The following NKTR variants were observed in gnomAD, a reference collection of about 807,000 sequenced individuals.
NKTR encodes natural killer cell triggering receptor, also known as NK-tumor recognition protein.
A neutral mutation model predicts 156.3 loss-of-function variants in NKTR; 67 were observed. The observed-to-expected ratio is 0.43, with a 90% CI of 0.35 to 0.53. The LOEUF (loss-of-function observed/expected upper bound fraction) is 0.53, where lower values mean the gene tolerates loss of function less well. NKTR is among the 20% of genes least tolerant of loss of function. The pLI is 0.01. For missense variants in NKTR, 1,604 were observed against 1,730.9 expected, an observed-to-expected ratio of 0.93 and a Z score of 1.30; for synonymous variants, 640 against 596.6, an observed-to-expected ratio of 1.07 and a Z score of -1.06.
chr3:42,616,863 G>A (rs923369234), intron 2 of NKTR, among the ~76,000 whole-genome samples: 5 of 152,150 alleles, frequency 3.3e-5, no homozygotes, highest in Non-Finnish European at 7.3e-5. Context: ...GGGCTCAAGT[G>A]AACCTCCTAC....
At chr3:42,602,098 C>T (rs1413760713) in intron 2 of NKTR, 1 of 152,146 alleles carries the variant, frequency 6.6e-6, no homozygotes, top group African/African-American at 2.4e-5. Context: ...CAGCACAGCC[C>T]TGAGGTGAGG....
intron 2 of NKTR, among the ~76,000 whole-genome samples, chr3:42,603,592 G>A (rs368322695): frequency 6.6e-5 from 10 of 151,622 alleles, no homozygotes; most frequent in South Asian, 6.2e-4. Flanking sequence ...TGAGAACGCC[G>A]AATCATATAA....
intron 2 of NKTR, chr3:42,601,963 G>C (rs893228838): frequency 6.6e-6 from 1 of 152,188 alleles, no homozygotes; most frequent in African/African-American, 2.4e-5. Flanking sequence ...ACAGTGACTT[G>C]TAGTTGGGAT....
At chr3:42,607,867 A>G (rs967558289) in intron 2 of NKTR, among the ~76,000 whole-genome samples, 2 of 151,724 alleles carry the variant, frequency 1.3e-5, no homozygotes, top group Admixed American at 6.6e-5. Flanking sequence ...GATTCTGGAC[A>G]CTATCTACCT....
intron 2 of NKTR, among the ~76,000 whole-genome samples, chr3:42,614,313 A>G (rs991050278): frequency 6.6e-6 from 1 of 152,148 alleles, no homozygotes; most frequent in African/African-American, 2.4e-5. Flanking sequence ...AATTCATTCC[A>G]AGTCTGTCCT....
At chr3:42,616,891 C>G (rs1330076778) in intron 2 of NKTR, among the ~76,000 whole-genome samples, 2 of 152,178 alleles carry the variant, frequency 1.3e-5, no homozygotes, top group African/African-American at 4.8e-5. Context: ...TCCCCAATAA[C>G]TACAGGCATG....
rs781635002 is a variant in NKTR at position 42,637,362 on chromosome 3, C to A, written c.1658C>A (p.Ser553Tyr). 6.2e-7 allele frequency: 1 copy of A among 1,613,996 alleles called. No individual in the cohort carries two copies. Among genetic ancestry groups the A allele is most frequent in the African/African-American group, 1.3e-5 (1 of 74,930 alleles). ...TCTCGAAGTAGATCAAAGTCCAGAT[C>A]TAGTTCCAAGTCTGGGCACCGAAAG... ...SHSRSRSKSR[S>Y]SSKSGHRKRA... The change falls in exon 13 of 17, where the codon TCT becomes TAT. Residue 553 changes from serine to tyrosine, a missense_variant. Around this residue, in one of 6 missense-constraint regions of NKTR, gnomAD observed 1,255 missense variants for 1,243.7 expected, o/e 1.01. Transcript: ENST00000232978.
At chr3:42,643,021 G>T (rs183864279) in intron 14 of NKTR, among the ~76,000 whole-genome samples, 1 of 152,294 alleles carries the variant, frequency 6.6e-6, no homozygotes, top group East Asian at 1.9e-4. Context: ...TTTTGCATCT[G>T]AGGTATTTTC....
intron 10 of NKTR, 49 bp from the exon 11 acceptor site, chr3:42,634,564 C>T (rs531292439): frequency 1.3e-4 from 137 of 1,067,130 alleles, no homozygotes; most frequent in South Asian, 8.0e-4. Context: ...ATTAAAAATT[C>T]TAGCTTCTTT....
In NKTR at chr3:42,608,463, G is replaced by A. The variant is rs150564258; in HGVS notation, c.58+7399G>A. 9.5e-3 allele frequency among the ~76,000 whole-genome samples: 1,439 copies of A among 152,274 alleles called. 11 individuals carry two copies. The highest frequency in any genetic ancestry group is 0.014 in the Non-Finnish European group (974 of 68,026). The stretch of plus-strand genomic sequence containing the variant: ...AGATGCCTAGGGCAAGGTATTGTAG[G>A]TGCAGAGGGTGGGGAGATGCATGGG... On this transcript the variant is annotated intron_variant, in intron 2 of 16. Transcript: ENST00000232978.
chr3:42,627,453 G>C (rs1418572545), intron 6 of NKTR: 1 of 985,266 alleles, frequency 1.0e-6, no homozygotes, highest in Non-Finnish European at 1.2e-6. Context: ...CTTCTGGTGG[G>C]GGAGTGGGGT....
chr3:42,619,763 T>C (rs572779723), intron 5 of NKTR, 55 bp downstream of exon 5: 62 of 1,599,710 alleles, frequency 3.9e-5, no homozygotes, highest in Non-Finnish European at 5.1e-5. Flanking sequence ...AAAGCAAGTT[T>C]GATCATATAC....
At chr3:42,631,010 C>G in intron 7 of NKTR, 161 bp from the exon 8 acceptor site, 1 of 1,410,816 alleles carries the variant, frequency 7.1e-7, no homozygotes, top group Non-Finnish European at 9.2e-7. Context: ...TTTTATGAAG[C>G]AGATTTCAAG....
At chr3:42,642,686 T>A in intron 14 of NKTR, 90 bp downstream of exon 14, 1 of 890,128 alleles carries the variant, frequency 1.1e-6, no homozygotes, top group Non-Finnish European at 1.9e-6. Context: ...TTGAGAAGAA[T>A]CATGTCATTA....
At chr3:42,603,360 T>TAAAAA (rs376932471) in intron 2 of NKTR, among the ~76,000 whole-genome samples, 3 of 92,750 alleles carry the variant, frequency 3.2e-5, no homozygotes, top group Non-Finnish European at 4.7e-5. Flanking sequence ...ATCTTGTTTC[T>TAAAAA]AAAAAAAAAA....
Position 42,637,000 on chromosome 3 carries a change from A to T in NKTR, c.1296A>T (p.Lys432Asn). Residue 432 changes from lysine to asparagine, a missense_variant, in exon 13 of 17, where the codon AAA becomes AAT. Physicochemically the swap from Lys to Asn is moderately conservative, Grantham distance 94. Around this residue, in one of 6 missense-constraint regions of NKTR, gnomAD observed 1,255 missense variants for 1,243.7 expected, o/e 1.01. Transcript: ENST00000232978. ...RHSGHHKKRRKEKKVKHKKKG... is the reference protein window; with the variant it reads ...RHSGHHKKRRNEKKVKHKKKG... ...CTGGCCACCATAAAAAACGCAGAAA[A>T]GAAAAAAAGGTTAAGCATAAAAAGA... 1 of 1,613,420 alleles carries T rather than the reference A, an allele frequency of 6.2e-7. No individual in the cohort carries two copies. The highest frequency in any genetic ancestry group is 1.1e-5 in the South Asian group (1 of 90,974).
chr3:42,644,193 G>A (rs972615288), intron 16 of NKTR, among the ~76,000 whole-genome samples, 190 bp downstream of exon 16: 1 of 152,108 alleles, frequency 6.6e-6, no homozygotes, highest in Non-Finnish European at 1.5e-5. Context: ...GAGTTGCCAG[G>A]TAATATTTGT....
intron 13 of NKTR, among the ~76,000 whole-genome samples, chr3:42,640,988 A>G (rs1709839849): frequency 6.6e-6 from 1 of 152,136 alleles, no homozygotes; most frequent in Admixed American, 6.5e-5. Flanking sequence ...CACTCTTCTC[A>G]TTTACCTTCC....
chr3:42,640,603 T>G (rs990012632), intron 13 of NKTR, among the ~76,000 whole-genome samples: 3 of 152,222 alleles, frequency 2.0e-5, no homozygotes, highest in Admixed American at 6.5e-5. Flanking sequence ...CTACCCAGAC[T>G]TCCTAAAAAA....
Sources: gnomAD v4.1 joint callset for allele counts (sites outside exome capture counted in the v4.1 genomes callset) on GRCh38, gnomAD v4.1.1 for gene constraint, gnomAD v4.1.1 regional missense constraint, MANE v1.5 for transcripts, NCBI Gene and HGNC (gene_info 2026-07-23, HGNC 2026-07-21) for gene names.